The following AHDC1 variants were observed in gnomAD, a reference collection of about 807,000 sequenced individuals.
The protein encoded by AHDC1 is AT-hook DNA binding motif containing 1.
AHDC1 carries 7 observed loss-of-function variants against 87.9 expected under a neutral mutation model. The observed-to-expected ratio is 0.08, with a 90% CI of 0.05 to 0.15. The LOEUF is 0.15. AHDC1 is among the 10% of genes least tolerant of loss of function. The pLI, the probability that AHDC1 is intolerant of heterozygous loss-of-function variation, is 1.00. For missense variants in AHDC1, 1,841 were observed against 2,253.2 expected, an observed-to-expected ratio of 0.82 and a Z score of 3.70; for synonymous variants, 1,051 against 1,006.8, an observed-to-expected ratio of 1.04 and a Z score of -0.83.
intron 3 of AHDC1, among the ~76,000 whole-genome samples, chr1:27,600,118 C>T (rs1474902984): frequency 6.6e-6 from 1 of 151,992 alleles, no homozygotes; most frequent in Non-Finnish European, 1.5e-5. Flanking sequence ...TCACTCTCAT[C>T]ACTGGCTTTG....
intron 3 of AHDC1, among the ~76,000 whole-genome samples, chr1:27,564,302 G>A (rs1031287938): frequency 6.6e-6 from 1 of 152,150 alleles, no homozygotes; most frequent in African/African-American, 2.4e-5. Flanking sequence ...GGAAGGGGCC[G>A]CAGTGAGAGA....
intron 3 of AHDC1, among the ~76,000 whole-genome samples, chr1:27,569,107 C>G (rs943693595): frequency 6.6e-6 from 1 of 151,348 alleles, no homozygotes; most frequent in Non-Finnish European, 1.5e-5. Flanking sequence ...GATACTACCC[C>G]CCATCGCCCA....
In AHDC1 at chr1:27,552,172, A is replaced by T; in HGVS notation, c.-57T>A. 4 of 1,429,404 alleles carry T rather than the reference A, an allele frequency of 2.8e-6. No homozygotes were observed. Among genetic ancestry groups the T allele is most frequent in the Non-Finnish European group, 3.7e-6 (4 of 1,094,644 alleles). 88.5% of individuals were successfully genotyped at this position (1,429,404 alleles called of 1,614,324 possible). ...GGGCCGGGGCTGACATGAGGGTGCG[A>T]GAAGCCGGGACCAGGACCTGCCAGG... On this transcript the variant is annotated 5_prime_UTR_variant, in exon 8 of 9. Coordinates refer to ENST00000673934, the MANE Select transcript of AHDC1 (RefSeq NM_001371928.1).
Position 27,552,048 on chromosome 1 carries a change from C to A in AHDC1, c.68G>T (p.Arg23Leu). 1 of 1,499,268 alleles carries A rather than the reference C, an allele frequency of 6.7e-7. No homozygotes were observed. 92.9% of individuals were successfully genotyped at this position (1,499,268 alleles called of 1,614,324 possible). The change falls in exon 8 of 9, where the codon CGG (arginine) becomes CTG (leucine). Residue 23 changes from arginine to leucine, a missense_variant. This residue lies in a region of AHDC1 where 142 missense variants were observed against 165.6 expected (regional missense o/e 0.86). Coordinates refer to ENST00000673934, the MANE Select transcript of AHDC1 (RefSeq NM_001371928.1). ...GCCGCCGGGGTAGTACTTGGGTTCC[C>A]GGAGGTAGTCAGGAGAGCTGCACAC... ...SAVCSSPDYL[R>L]EPKYYPGGPP...
At chr1:27,585,231 C>A (rs1290899059) in intron 3 of AHDC1, among the ~76,000 whole-genome samples, 1 of 120,930 alleles carries the variant, frequency 8.3e-6, no homozygotes, top group East Asian at 2.3e-4. Flanking sequence ...CCAACCCGGG[C>A]AACAGGAGTA....
Position 27,549,043 on chromosome 1 carries a change from T to C in AHDC1, c.3073A>G (p.Thr1025Ala), listed in dbSNP as rs1451931127. 4 of 1,575,628 alleles carry C rather than the reference T, an allele frequency of 2.5e-6. No individual in the cohort carries two copies. Among genetic ancestry groups the C allele is most frequent in the African/African-American group, 1.4e-5 (1 of 73,922 alleles). ...CTTGGTGGCAGGCAGGGGCCCCCGG[T>C]AGGCGGTGGGGCATAGCCGGCGCTG... is the stretch of plus-strand genomic sequence containing the variant. Reference protein sequence around the residue: ...AHSAGYAPPPTGGPCLPPSKA... With the variant: ...AHSAGYAPPPAGGPCLPPSKA... Residue 1025 changes from threonine to alanine, a missense_variant, in exon 8 of 9, where the codon ACC becomes GCC. By Grantham distance (58) the Thr-to-Ala change is moderately conservative (BLOSUM62 0). Transcript: ENST00000673934.
At chr1:27,594,683 CAGAGAG>C (rs145574277) in intron 3 of AHDC1, among the ~76,000 whole-genome samples, 121 of 151,004 alleles carry the variant, frequency 8.0e-4, no homozygotes, top group Non-Finnish European at 1.3e-3. Flanking sequence ...GCCTGGGCAG[CAGAGAG>C]AGAGAGAGCG....
At chr1:27,586,567 C>G (rs372754047) in intron 3 of AHDC1, among the ~76,000 whole-genome samples, 3 of 152,200 alleles carry the variant, frequency 2.0e-5, no homozygotes, top group African/African-American at 7.2e-5. Context: ...TCTCTCCTAG[C>G]CCTACCTCAC....
In AHDC1 at chr1:27,548,300, T is replaced by C. The variant is rs543687084; in HGVS notation, c.3816A>G (p.Arg1272=). 4.5e-5 allele frequency: 72 copies of C among 1,606,200 alleles called. No homozygotes were observed. The South Asian group carries it at 6.9e-4, about 15-fold the overall frequency. Residue 1272 remains arginine (R), a synonymous_variant, in exon 8 of 9, where the codon CGA becomes CGG. Transcript: ENST00000673934. The part of the protein sequence containing the change: ...SKRSTGPRQP[R]GGRGGGACSA... ...AGCAGGCCCCACCGCCCCGTCCACC[T>C]CGCGGCTGCCGGGGCCCAGTGCTCC...
At position 27,595,450 on chromosome 1, in the gene AHDC1, C is replaced by CTGTGTGTGTGTGTGTGTGTGTGTGTG. The variant is rs372265193; in HGVS notation, c.-629+7946_-629+7947insCACACACACACACACACACACACACA. On this transcript the variant is annotated intron_variant, in intron 3 of 8. Coordinates refer to ENST00000673934, the MANE Select transcript of AHDC1 (RefSeq NM_001371928.1). The surrounding 1 kb of genome is among the most constrained non-coding windows in gnomAD (Gnocchi z 4.0). Reference sequence around the variant, plus strand: ...GGTTGATATGCTGAGGGTGTGATAGCTGTGTGTGTGTGTGTGTGTGATTGT... The same window carrying CTGTGTGTGTGTGTGTGTGTGTGTGTG: ...GGTTGATATGCTGAGGGTGTGATAGCTGTGTGTGTGTGTGTGTGTGTGTGTGTGTGTGTGTGTGTGTGTGTGATTGT... 8.9e-4 allele frequency among the ~76,000 whole-genome samples: 129 copies of CTGTGTGTGTGTGTGTGTGTGTGTGTG among 144,784 alleles called. No individual in the cohort carries two copies. Among genetic ancestry groups the CTGTGTGTGTGTGTGTGTGTGTGTGTG allele is most frequent in the African/African-American group, 2.7e-3 (104 of 38,822 alleles). The allele number at this position is 144,784 out of a possible 152,430, so 95.0% of individuals were successfully genotyped here.
Position 27,548,140 on chromosome 1 carries a change from G to A in AHDC1, c.3976C>T (p.Leu1326=), listed in dbSNP as rs776940117. The A allele has an allele frequency of 1.9e-6, 3 of 1,613,912 alleles. No homozygotes were observed. The South Asian group carries it at 3.3e-5, about 18-fold the overall frequency. ...CCGAAGGCCCTCGACTGTGAGGGCA[G>A]TGGTGACATGCTGCTGTCCCCGCTA... The part of the protein sequence containing the change: ...YYSGDSSMSP[L]PSQSRAFGVG... The change falls in exon 8 of 9, where the codon CTG becomes TTG. Residue 1326 remains leucine, a synonymous_variant. Coordinates refer to ENST00000673934, the MANE Select transcript of AHDC1 (RefSeq NM_001371928.1).
At chr1:27,577,936 T>C (rs1482401010) in intron 3 of AHDC1, among the ~76,000 whole-genome samples, 1 of 152,182 alleles carries the variant, frequency 6.6e-6, no homozygotes, top group Non-Finnish European at 1.5e-5. Context: ...AGGGAACCCC[T>C]GACTCCCCAG....
chr1:27,578,325 C>T (rs893306327), intron 3 of AHDC1, among the ~76,000 whole-genome samples: 3 of 152,176 alleles, frequency 2.0e-5, no homozygotes, highest in Non-Finnish European at 4.4e-5. Context: ...CACAGTGGCT[C>T]ATGCCTGTAA....
intron 3 of AHDC1, among the ~76,000 whole-genome samples, chr1:27,589,529 C>A (rs1218858279): frequency 6.6e-6 from 1 of 152,120 alleles, no homozygotes. Flanking sequence ...TGGGTCCATG[C>A]GGCCTTGGTG....
chr1:27,595,677 T>TA lies in AHDC1; in HGVS notation c.-629+7719dup, dbSNP rs752288360. Among the ~76,000 whole-genome samples the TA allele has an allele frequency of 1.3e-5, 2 of 151,836 alleles. No homozygotes were observed. The highest frequency in any genetic ancestry group is 2.9e-5 in the Non-Finnish European group (2 of 67,926). ...TACCTGCAAGGGTCTGGGGAGGCGTTAGAGACCTGAGGTCCCTCCATACGT... is the reference window on the plus strand; with the variant it reads ...TACCTGCAAGGGTCTGGGGAGGCGTTAAGAGACCTGAGGTCCCTCCATACGT... On this transcript the variant is annotated intron_variant, in intron 3 of 8. Transcript: ENST00000673934. The surrounding 1 kb of genome is among the most constrained non-coding windows in gnomAD (Gnocchi z 4.0).
intron 3 of AHDC1, among the ~76,000 whole-genome samples, chr1:27,570,964 A>G (rs774599077): frequency 1.2e-4 from 18 of 152,034 alleles, no homozygotes; most frequent in Non-Finnish European, 2.5e-4. Flanking sequence ...AGTGGCTATA[A>G]GGTGACAGAC....
chr1:27,538,947 T>C lies in AHDC1; in HGVS notation c.*44-4031A>G, dbSNP rs1042958523. ...CAAAGCCTGATCCATCCCTGTAACA[T>C]TTTTAGGCAGCCAGGCCTGTGAGTC... On this transcript the variant is annotated intron_variant, in intron 8 of 8. Transcript: ENST00000673934. 2.0e-5 allele frequency among the ~76,000 whole-genome samples: 3 copies of C among 152,192 alleles called. No individual in the cohort carries two copies. The East Asian group carries it at 5.8e-4, about 29-fold the overall frequency.
In AHDC1 at chr1:27,560,118, C is replaced by T. The variant is rs191510844; in HGVS notation, c.-628-1235G>A. On this transcript the variant is annotated intron_variant, in intron 3 of 8. Transcript: ENST00000673934. This position sits in a 1 kb window ranked among gnomAD's most constrained non-coding sequence, Gnocchi z 4.1. The stretch of plus-strand genomic sequence containing the variant: ...CAGCTGTGTGTGTGTATGTGTGATG[C>T]CAGCTTAAGTGTGTGCCTGGATTTG... 2.0e-5 allele frequency among the ~76,000 whole-genome samples: 3 copies of T among 152,080 alleles called. No homozygotes were observed. The East Asian group carries it at 5.8e-4, about 29-fold the overall frequency.
intron 3 of AHDC1, among the ~76,000 whole-genome samples, chr1:27,600,994 G>C (rs367843275): frequency 1.3e-5 from 2 of 152,018 alleles, no homozygotes; most frequent in African/African-American, 4.8e-5. Flanking sequence ...CCTGAGGGTG[G>C]TAGGGGCTCC....
Sources: gnomAD v4.1 joint callset for allele counts (sites outside exome capture counted in the v4.1 genomes callset) on GRCh38, gnomAD v4.1.1 for gene constraint, gnomAD v4.1.1 regional missense constraint, Gnocchi (gnomAD v3.1) non-coding constraint, MANE v1.5 for transcripts, NCBI Gene and HGNC (gene_info 2026-07-23, HGNC 2026-07-21) for gene names.